PDILT: variants seen among roughly 807,000 people sequenced by gnomAD.
PDILT encodes the protein protein disulfide-isomerase-like protein of the testis.
PDILT carries 43 observed loss-of-function variants against 53.7 expected under a neutral mutation model. The ratio of observed to expected loss-of-function variants is 0.80; its 90% CI spans 0.63 to 1.03. PDILT has a LOEUF of 1.03. PDILT is among the 50% of genes least tolerant of loss of function. The pLI, the probability that PDILT is intolerant of heterozygous loss-of-function variation, is 0.00. For synonymous variants in PDILT, 282 were observed against 274.2 expected, an observed-to-expected ratio of 1.03 and a Z score of -0.28; for missense variants, 727 against 712.3, an observed-to-expected ratio of 1.02 and a Z score of -0.24.
chr16:20,384,501 G>T, intron 3 of PDILT, 144 bp downstream of exon 3: 2 of 956,358 alleles, frequency 2.1e-6, no homozygotes, highest in Non-Finnish European at 3.2e-6. Context: ...TGGCTCCAAG[G>T]CCCTAGAGAA....
intron 7 of PDILT, 116 bp downstream of exon 7, chr16:20,372,686 G>A: frequency 1.6e-6 from 2 of 1,242,718 alleles, no homozygotes; most frequent in Non-Finnish European, 2.2e-6. Context: ...GCAATTGCAA[G>A]TGCCAATCTT....
intron 2 of PDILT, among the ~76,000 whole-genome samples, chr16:20,396,587 A>T (rs181472278): frequency 6.6e-6 from 1 of 152,350 alleles, no homozygotes; most frequent in African/African-American, 2.4e-5. Context: ...ACTCAAAGAC[A>T]TGAGGGAGCA....
chr16:20,403,689 A>C (rs1966776047), intron 1 of PDILT, among the ~76,000 whole-genome samples: 1 of 151,384 alleles, frequency 6.6e-6, no homozygotes, highest in Non-Finnish European at 1.5e-5. Context: ...TTTTTTTTAC[A>C]ATCCATTCGC....
rs186608736 is a variant in PDILT, at chr16:20,364,768, A to G, written c.1237+652T>C. Among the ~76,000 whole-genome samples the G allele has an allele frequency of 5.9e-5, 9 of 152,348 alleles. No individual in the cohort carries two copies. The East Asian group carries it at 1.7e-3, about 29-fold the overall frequency. On this transcript the variant is annotated intron_variant, in intron 9 of 11. Transcript: ENST00000302451. Reference sequence around the variant, plus strand: ...AAGTAATTATAATGATAGGAATAACAACAGCAGTAGCAATTGTCACTTATC... The same window carrying G: ...AAGTAATTATAATGATAGGAATAACGACAGCAGTAGCAATTGTCACTTATC...
intron 8 of PDILT, among the ~76,000 whole-genome samples, chr16:20,365,795 G>A (rs1966182707): frequency 6.6e-6 from 1 of 152,074 alleles, no homozygotes; most frequent in South Asian, 2.1e-4. Context: ...ATAAAAAGAA[G>A]ATTTAAGCCG....
rs185884493 is a variant in PDILT, at chr16:20,370,381, C to T, written c.919-692G>A. ...GGCAATGTGATAGAGAGTAACTGCC[C>T]CGATGGGGTAAGGTAGGGGCTCAGG... On this transcript the variant is annotated intron_variant, in intron 7 of 11. Transcript: ENST00000302451. 1.5e-4 allele frequency among the ~76,000 whole-genome samples: 23 copies of T among 152,234 alleles called. No homozygotes were observed. In the East Asian group the frequency reaches 4.4e-3, roughly 29 times the overall value.
At chr16:20,402,956 C>G (rs1258033591) in intron 1 of PDILT, among the ~76,000 whole-genome samples, 1 of 152,216 alleles carries the variant, frequency 6.6e-6, no homozygotes, top group South Asian at 2.1e-4. Context: ...GCTGTGTCCC[C>G]CAGCCTCACA....
intron 10 of PDILT, among the ~76,000 whole-genome samples, chr16:20,361,923 T>A (rs935360835): frequency 2.0e-5 from 3 of 152,216 alleles, no homozygotes; most frequent in Admixed American, 6.5e-5. Flanking sequence ...TTCCCATGCA[T>A]GGACATGGCA....
At chr16:20,364,910 C>T (rs1432724677) in intron 9 of PDILT, among the ~76,000 whole-genome samples, 1 of 152,164 alleles carries the variant, frequency 6.6e-6, no homozygotes, top group Non-Finnish European at 1.5e-5. Flanking sequence ...AAATCCTGTA[C>T]AGCAGTTAGG....
chr16:20,373,599 C>T (rs912906052), intron 5 of PDILT, among the ~76,000 whole-genome samples: 2 of 152,200 alleles, frequency 1.3e-5, no homozygotes, highest in Admixed American at 6.5e-5. Context: ...TTTCACTATA[C>T]ATAGTGAACT....
rs150691332 is a variant in PDILT, at chr16:20,399,597, C to T, written c.-7-290G>A. Among the ~76,000 whole-genome samples, 743 of 152,186 alleles carry T rather than the reference C, an allele frequency of 4.9e-3. 3 individuals carry two copies. The highest frequency in any genetic ancestry group is 8.8e-3 in the Admixed American group (134 of 15,290). On this transcript the variant is annotated intron_variant, in intron 1 of 11. Transcript: ENST00000302451. ...CACTCAAGCCCACTGACTTCCCAGC[C>T]ACGAGGTGAGACTTGTGCAAAGATA...
At position 20,365,419 on chromosome 16, in the gene PDILT, C is replaced by A. The variant is rs1794011892; in HGVS notation, c.1237+1G>T. On this transcript the variant is annotated splice_donor_variant, in intron 9 of 11. Coordinates refer to ENST00000302451, the MANE Select transcript of PDILT (RefSeq NM_174924.2). LOFTEE classifies it high-confidence loss of function. ...TCAGAACCCCTCTTGGAGATACTTA[C>A]AGAACATCACAAATACGTCCTTTTC... 6.2e-7 allele frequency: 1 copy of A among 1,613,764 alleles called. No homozygotes were observed. The highest frequency in any genetic ancestry group is 8.5e-7 in the Non-Finnish European group (1 of 1,179,770).
chr16:20,385,925 A>G (rs1033756860), intron 2 of PDILT: 7 of 152,192 alleles, frequency 4.6e-5, no homozygotes, highest in African/African-American at 1.7e-4. Flanking sequence ...AGAGCTCATG[A>G]GCGCCATCTG....
intron 7 of PDILT, among the ~76,000 whole-genome samples, chr16:20,370,781 C>A (rs1376041178): frequency 2.0e-5 from 3 of 152,132 alleles, no homozygotes; most frequent in Non-Finnish European, 2.9e-5. Flanking sequence ...AAGAAGCCAG[C>A]CCAAACCCAC....
intron 1 of PDILT, among the ~76,000 whole-genome samples, chr16:20,402,290 A>ATCCTTTCTTTTCTTTTCTTT (rs112422552): frequency 1.3e-4 from 20 of 149,520 alleles, no homozygotes; most frequent in African/African-American, 4.9e-4. Flanking sequence ...AGGAGTGTTG[A>ATCCTTTCTTTTCTTTTCTTT]TCTTTTCTTT....
At chr16:20,380,112 C>T (rs1966442656) in intron 3 of PDILT, among the ~76,000 whole-genome samples, 1 of 152,116 alleles carries the variant, frequency 6.6e-6, no homozygotes, top group African/African-American at 2.4e-5. Context: ...GCTCTGATGT[C>T]ACTTTGTGCC....
intron 8 of PDILT, among the ~76,000 whole-genome samples, chr16:20,369,224 T>C (rs906475204): frequency 2.0e-5 from 3 of 152,244 alleles, no homozygotes; most frequent in African/African-American, 7.2e-5. Context: ...TTAACACTAC[T>C]GAGTGCCTGC....
At chr16:20,377,357 C>T (rs540036991) in intron 3 of PDILT, among the ~76,000 whole-genome samples, 39 of 152,314 alleles carry the variant, frequency 2.6e-4, no homozygotes, top group South Asian at 1.0e-3. Flanking sequence ...TATTCATTTA[C>T]GCACTCATTT....
At chr16:20,373,926 C>A (rs56755882) in intron 5 of PDILT, among the ~76,000 whole-genome samples, 3,295 of 152,114 alleles carry the variant, frequency 0.022, 112 homozygotes, top group African/African-American at 0.074. Flanking sequence ...TTAAGTTTTT[C>A]TTTTATCTTT....
Sources: allele counts gnomAD v4.1 joint callset (sites outside exome capture counted in the v4.1 genomes callset), GRCh38; gene constraint gnomAD v4.1.1; transcripts MANE v1.5; gene names NCBI Gene and HGNC (gene_info 2026-07-23, HGNC 2026-07-21).